The following GMFB variants were observed in gnomAD, a reference collection of about 807,000 sequenced individuals.
The protein encoded by GMFB is glia maturation factor beta.
GMFB carries 13 observed loss-of-function variants against 25.6 expected under a neutral mutation model. That is an observed-to-expected ratio of 0.51 (90% CI 0.33 to 0.81). The LOEUF (loss-of-function observed/expected upper bound fraction) is 0.81, where lower values mean the gene tolerates loss of function less well. Among genes scored for constraint, GMFB ranks in the 30% least tolerant of loss-of-function variants. The pLI, the probability that GMFB is intolerant of heterozygous loss-of-function variation, is 0.02. For synonymous variants in GMFB, 57 were observed against 56.9 expected (o/e 1.00, Z 0.00); for missense variants, 146 against 175.4 (o/e 0.83, Z 0.95).
chr14:54,488,653 C>T, intron 1 of GMFB: 1 of 418,946 alleles, frequency 2.4e-6, no homozygotes, highest in Non-Finnish European at 4.2e-6. Flanking sequence ...GGCGTGGGGC[C>T]TCCCCAACCC....
At chr14:54,487,117 C>T (rs1401017351) in intron 1 of GMFB, among the ~76,000 whole-genome samples, 1 of 152,186 alleles carries the variant, frequency 6.6e-6, no homozygotes, top group Non-Finnish European at 1.5e-5. Flanking sequence ...GATCTGGGGT[C>T]AGGCGCGGTA....
At chr14:54,486,957 C>T (rs1264459989) in intron 1 of GMFB, among the ~76,000 whole-genome samples, 1 of 152,080 alleles carries the variant, frequency 6.6e-6, no homozygotes, top group Non-Finnish European at 1.5e-5. Flanking sequence ...GCTGGTATAA[C>T]AGATTGTCTT....
intron 1 of GMFB, among the ~76,000 whole-genome samples, chr14:54,487,551 C>CA (rs1343604086): frequency 6.8e-6 from 1 of 147,030 alleles, no homozygotes; most frequent in Non-Finnish European, 1.5e-5. Context: ...AACAAACAAA[C>CA]AAAAAAACAA....
At position 54,481,424 on chromosome 14, in the gene GMFB, G is replaced by A; in HGVS notation, c.185C>T (p.Pro62Leu). Residue 62 changes from proline to leucine, a missense_variant, in exon 4 of 7, where the codon CCT becomes CTT. By Grantham distance (98) the Pro-to-Leu change is moderately conservative. Coordinates refer to ENST00000358056, the MANE Select transcript of GMFB (RefSeq NM_004124.3). The stretch of plus-strand genomic sequence containing the variant: ...AAAAGGATATCGAGGTTGTCGTTCA[G>A]GTAGTTCATCTTTAAGTTCATCTGG... ...ISPDELKDELPERQPRFIVYS... is the reference protein window; with the variant it reads ...ISPDELKDELLERQPRFIVYS... 1 of 1,607,536 alleles carries A rather than the reference G, an allele frequency of 6.2e-7. No individual in the cohort carries two copies. The highest frequency in any genetic ancestry group is 8.5e-7 in the Non-Finnish European group (1 of 1,174,360).
At position 54,477,787 on chromosome 14, in the gene GMFB, T is replaced by C. The variant is rs902652488; in HGVS notation, c.*301A>G. On this transcript the variant is annotated 3_prime_UTR_variant, in exon 7 of 7. Coordinates refer to ENST00000358056, the MANE Select transcript of GMFB (RefSeq NM_004124.3). ...CTAATATATCCACTTTCCAATGGTG[T>C]CTGTAAATAGTAACAAATTCCGAAC... The C allele has an allele frequency of 4.3e-6, 1 of 230,680 alleles. No homozygotes were observed. The highest frequency in any genetic ancestry group is 8.4e-6 in the Non-Finnish European group (1 of 119,548). 14.3% of individuals were successfully genotyped at this position (230,680 alleles called of 1,614,324 possible).
intron 1 of GMFB, among the ~76,000 whole-genome samples, chr14:54,486,812 G>C (rs547955824): frequency 6.9e-6 from 1 of 145,720 alleles, no homozygotes; most frequent in Non-Finnish European, 1.5e-5. Context: ...AGTGGAGCCA[G>C]GATTCAACCC....
At position 54,476,103 on chromosome 14, in the gene GMFB, G is replaced by A. The variant is rs1322425741; in HGVS notation, c.*1985C>T. On this transcript the variant is annotated 3_prime_UTR_variant, in exon 7 of 7. Coordinates refer to ENST00000358056, the MANE Select transcript of GMFB (RefSeq NM_004124.3). ...CAATCTGTTGTCTTGCCAAAAACAT[G>A]TTATTAATTAGGAGTCAGACAAGCT... The A allele has an allele frequency of 6.6e-6, 1 of 152,034 alleles. No homozygotes were observed. Among genetic ancestry groups the A allele is most frequent in the African/African-American group, 2.4e-5 (1 of 41,414 alleles). 9.4% of individuals were successfully genotyped at this position (152,034 alleles called of 1,614,324 possible).
intron 1 of GMFB, among the ~76,000 whole-genome samples, chr14:54,488,094 C>A (rs568599533): frequency 1.3e-5 from 2 of 152,322 alleles, no homozygotes; most frequent in Admixed American, 6.5e-5. Context: ...ATGACAAGAT[C>A]TATTCGATGA....
chr14:54,487,816 T>C (rs1323987737), intron 1 of GMFB, among the ~76,000 whole-genome samples: 4 of 152,138 alleles, frequency 2.6e-5, no homozygotes, highest in Admixed American at 1.3e-4. Context: ...ACTGAAGCCA[T>C]AGTTTAGGAT....
At chr14:54,488,833 G>T in intron 1 of GMFB, 92 bp downstream of exon 1, 1 of 1,092,536 alleles carries the variant, frequency 9.2e-7, no homozygotes, top group Non-Finnish European at 1.3e-6. Flanking sequence ...CCTCCTGGGC[G>T]CTGCCCGCCG....
chr14:54,487,023 C>A (rs996911562), intron 1 of GMFB, among the ~76,000 whole-genome samples: 5 of 152,180 alleles, frequency 3.3e-5, no homozygotes, highest in Admixed American at 2.6e-4. Flanking sequence ...CTACTTTGGA[C>A]AAACTGAGGT....
At chr14:54,488,900 C>T in intron 1 of GMFB, 25 bp downstream of exon 1, 1 of 1,556,518 alleles carries the variant, frequency 6.4e-7, no homozygotes, top group South Asian at 1.2e-5. Flanking sequence ...GCCCTCCGGC[C>T]CCCGCCCTCC....
rs537749943 is a variant in GMFB, at chr14:54,477,854, T to C, written c.*234A>G. ...TAGTCACAAGAGTGCAAAAAGTCCC[T>C]GGAGAAAAGTAGTCCACCTAACAAT... On this transcript the variant is annotated 3_prime_UTR_variant, in exon 7 of 7. Coordinates refer to ENST00000358056, the MANE Select transcript of GMFB (RefSeq NM_004124.3). 169 of 358,260 alleles carry C rather than the reference T, an allele frequency of 4.7e-4. No homozygotes were observed. Among genetic ancestry groups the C allele is most frequent in the Admixed American group, 2.0e-3 (42 of 21,020 alleles). The allele number at this position is 358,260 out of a possible 1,614,324, so 22.2% of individuals were successfully genotyped here.
intron 6 of GMFB, chr14:54,479,497 T>C (rs1329505814): frequency 1.0e-5 from 3 of 292,640 alleles, no homozygotes; most frequent in Non-Finnish European, 1.9e-5. Context: ...GAAATTACCT[T>C]ATGGCAGATA....
Position 54,478,163 on chromosome 14 carries a change from TAAA to T in GMFB, c.358-7_358-5del. On this transcript the variant is annotated splice_polypyrimidine_tract_variant and splice_region_variant and intron_variant, in intron 6 of 6. Coordinates refer to ENST00000358056, the MANE Select transcript of GMFB (RefSeq NM_004124.3). ...CGGTATTTCTTATTTCAAATACCTT[TAAA>T]AAAAAAAAAAACTTGGGTCATACTT... is the stretch of plus-strand genomic sequence containing the variant. 2.9e-5 allele frequency: 25 copies of T among 876,412 alleles called. No homozygotes were observed. The highest frequency in any genetic ancestry group is 2.6e-4 in the Middle Eastern group (1 of 3,896). The allele number at this position is 876,412 out of a possible 1,614,324, so 54.3% of individuals were successfully genotyped here.
chr14:54,487,157 A>G (rs960014007), intron 1 of GMFB, among the ~76,000 whole-genome samples: 3 of 152,182 alleles, frequency 2.0e-5, no homozygotes, highest in Admixed American at 6.5e-5. Flanking sequence ...ACACTTTGGG[A>G]GGCCGGGGCA....
intron 1 of GMFB, chr14:54,488,688 C>G: frequency 4.1e-6 from 2 of 485,514 alleles, no homozygotes; most frequent in Non-Finnish European, 7.2e-6. Context: ...GCACCCTAGT[C>G]CCATGGCCCG....
At chr14:54,479,380 A>C (rs2031680865) in intron 6 of GMFB, 1 of 153,416 alleles carries the variant, frequency 6.5e-6, no homozygotes, top group South Asian at 2.1e-4. Context: ...TTATATTTGG[A>C]AACAATACAA....
intron 1 of GMFB, among the ~76,000 whole-genome samples, chr14:54,485,621 C>G (rs1386328952): frequency 1.3e-5 from 2 of 152,080 alleles, no homozygotes; most frequent in Non-Finnish European, 2.9e-5. Context: ...CAATGCAATC[C>G]CCATCAAAAT....
Sources: gnomAD v4.1 joint callset for allele counts (sites outside exome capture counted in the v4.1 genomes callset) on GRCh38, gnomAD v4.1.1 for gene constraint, MANE v1.5 for transcripts, NCBI Gene and HGNC (gene_info 2026-07-23, HGNC 2026-07-21) for gene names.